The following MICU3 variants were observed in gnomAD, a reference collection of about 807,000 sequenced individuals.
MICU3 encodes calcium uptake protein 3, mitochondrial.
Under a neutral mutation model 66.5 loss-of-function variants are expected in MICU3, and 62 were observed. That is an observed-to-expected ratio of 0.93 (90% CI 0.76 to 1.15). The LOEUF is 1.15. MICU3 is among the 50% of genes most tolerant of loss of function. The pLI, the probability that MICU3 is intolerant of heterozygous loss-of-function variation, is 0.00. For synonymous variants in MICU3, 308 were observed against 240.7 expected (o/e 1.28, Z -2.59); for missense variants, 779 against 664.4 (o/e 1.17, Z -1.90).
the MICU3 span, chr8:17,132,522 C>T: frequency 6.6e-6 from 1 of 152,188 alleles, no homozygotes; most frequent in Admixed American, 6.5e-5. Context: ...ACATAGTCTT[C>T]CTTGCCCCTA....
chr8:17,092,025 A>G (rs575766335), intron 8 of MICU3, among the ~76,000 whole-genome samples: 11 of 151,984 alleles, frequency 7.2e-5, no homozygotes, highest in African/African-American at 2.2e-4. Context: ...TTACAGGCAC[A>G]TGCCACCATG....
chr8:17,038,969 A>T (rs541158842), intron 1 of MICU3, among the ~76,000 whole-genome samples: 1 of 146,514 alleles, frequency 6.8e-6, no homozygotes, highest in Admixed American at 6.6e-5. Flanking sequence ...AAAAAAAAAT[A>T]AATAAATAAT....
At chr8:17,054,865 A>C (rs1816670812) in intron 1 of MICU3, among the ~76,000 whole-genome samples, 1 of 150,970 alleles carries the variant, frequency 6.6e-6, no homozygotes, top group Non-Finnish European at 1.5e-5. Context: ...CAGCCTCCCA[A>C]GTAGCTGGGA....
intron 1 of MICU3, among the ~76,000 whole-genome samples, chr8:17,062,412 G>A (rs939047247): frequency 5.9e-5 from 9 of 152,088 alleles, no homozygotes; most frequent in African/African-American, 1.4e-4. Flanking sequence ...TTCTTATGCC[G>A]TTAGAAGTGG....
intron 3 of MICU3, among the ~76,000 whole-genome samples, chr8:17,073,499 C>T (rs992387417): frequency 6.6e-6 from 1 of 152,034 alleles, no homozygotes; most frequent in African/African-American, 2.4e-5. Context: ...TCAGGACTCC[C>T]ACTGATTGTA....
Position 17,090,580 on chromosome 8 carries a change from A to G in MICU3, c.884A>G (p.Asn295Ser), listed in dbSNP as rs1228288595. The change falls in exon 8 of 15, where the codon AAT (asparagine) becomes AGT (serine). Residue 295 changes from asparagine to serine, a missense_variant. Physicochemically the swap from Asn to Ser is conservative, Grantham distance 46. Coordinates refer to ENST00000318063, the MANE Select transcript of MICU3 (RefSeq NM_181723.3). ...CTTTATGGATACCATTCTCCTACTA[A>G]TAGTGTATGTACAATACTTTAAATG... ...LQLYGYHSPTNSVLKTDAEEL... is the reference protein window; with the variant it reads ...LQLYGYHSPTSSVLKTDAEEL... The G allele has an allele frequency of 1.9e-6, 3 of 1,608,628 alleles. No homozygotes were observed. Among genetic ancestry groups the G allele is most frequent in the Non-Finnish European group, 1.7e-6 (2 of 1,176,284 alleles).
chr8:17,098,698 CT>C, intron 9 of MICU3, 145 bp downstream of exon 9: 2 of 591,608 alleles, frequency 3.4e-6, no homozygotes, highest in Non-Finnish European at 6.0e-6. Flanking sequence ...TATATATAAA[CT>C]GTGTATTTGA....
intron 1 of MICU3, 101 bp from the exon 2 acceptor site, chr8:17,063,983 C>T: frequency 1.3e-6 from 1 of 741,140 alleles, no homozygotes; most frequent in Non-Finnish European, 2.0e-6. Context: ...TTCACACTTC[C>T]TCATTTACTC....
At chr8:17,126,118 A>T (rs990243446), downstream of MICU3, among the ~76,000 whole-genome samples, 1 of 150,238 alleles carries the variant, frequency 6.7e-6, no homozygotes, top group African/African-American at 2.4e-5. Flanking sequence ...ATCCAGGGGG[A>T]TGAGTTTCAG....
At chr8:17,115,378 C>G (rs1802588019) in intron 12 of MICU3, among the ~76,000 whole-genome samples, 1 of 152,196 alleles carries the variant, frequency 6.6e-6, no homozygotes, top group Non-Finnish European at 1.5e-5. Context: ...TTTGGCAACT[C>G]TGCCTCTACA....
intron 12 of MICU3, among the ~76,000 whole-genome samples, chr8:17,114,465 A>G (rs572122559): frequency 2.0e-5 from 3 of 152,212 alleles, no homozygotes; most frequent in African/African-American, 7.2e-5. Context: ...ACAGGGTGGT[A>G]TTTTATTTTA....
chr8:17,130,124 A>G, the MICU3 span, among the ~76,000 whole-genome samples: 9 of 152,226 alleles, frequency 5.9e-5, no homozygotes, highest in African/African-American at 2.2e-4. Context: ...TCTTTAGGCA[A>G]TTGGGGAATG....
At chr8:17,130,986 A>G in the MICU3 span, among the ~76,000 whole-genome samples, 48 of 152,240 alleles carry the variant, frequency 3.2e-4, no homozygotes, top group African/African-American at 5.8e-4. Flanking sequence ...GATAGAGAAA[A>G]AAGATCCTAT....
Position 17,027,653 on chromosome 8 carries a change from A to T in MICU3, c.374A>T (p.Lys125Met). 1 of 1,301,264 alleles carries T rather than the reference A, an allele frequency of 7.7e-7. No homozygotes were observed. The highest frequency in any genetic ancestry group is 9.7e-7 in the Non-Finnish European group (1 of 1,028,162). The allele number at this position is 1,301,264 out of a possible 1,614,324, so 80.6% of individuals were successfully genotyped here. The change falls in exon 1 of 15, where the codon AAG becomes ATG. Residue 125 changes from lysine to methionine, a missense_variant. Lys to Met is a moderately conservative substitution (Grantham distance 95). Coordinates refer to ENST00000318063, the MANE Select transcript of MICU3 (RefSeq NM_181723.3). Reference protein sequence around the residue: ...GMLPIPVAAAKETVAIGRTDI... With the variant: ...GMLPIPVAAAMETVAIGRTDI... ...CTGCCCATCCCAGTGGCGGCTGCCAAGGAGACGGTGAGTGCGCGAGCGCGC... is the reference window on the plus strand; with the variant it reads ...CTGCCCATCCCAGTGGCGGCTGCCATGGAGACGGTGAGTGCGCGAGCGCGC...
At chr8:17,059,261 A>G (rs1817464460) in intron 1 of MICU3, among the ~76,000 whole-genome samples, 1 of 152,206 alleles carries the variant, frequency 6.6e-6, no homozygotes, top group Admixed American at 6.5e-5. Flanking sequence ...TCTGATGAAA[A>G]CGTGAAGAAA....
intron 1 of MICU3, among the ~76,000 whole-genome samples, chr8:17,048,824 G>C (rs1275347680): frequency 6.6e-6 from 1 of 152,078 alleles, no homozygotes; most frequent in East Asian, 1.9e-4. Flanking sequence ...CCACTGTGTT[G>C]CCCAGGCTGG....
chr8:17,066,496 C>CT (rs1262782955), intron 2 of MICU3, among the ~76,000 whole-genome samples: 1 of 128,272 alleles, frequency 7.8e-6, no homozygotes, highest in Non-Finnish European at 1.6e-5. Flanking sequence ...GAAAGCTATT[C>CT]TTTAAGTGAT....
chr8:17,114,841 C>T lies in MICU3; in HGVS notation c.1366+640C>T, dbSNP rs144394065. ...CACAAGCTTAAACCCCAGAGGAGGC[C>T]GGGCGCGGTGGCTCACGCCTGTAAT... is the stretch of plus-strand genomic sequence containing the variant. On this transcript the variant is annotated intron_variant, in intron 12 of 14. Coordinates refer to ENST00000318063, the MANE Select transcript of MICU3 (RefSeq NM_181723.3). Among the ~76,000 whole-genome samples the T allele has an allele frequency of 6.4e-3, 977 of 152,092 alleles. 54 individuals carry two copies. Among genetic ancestry groups the T allele is most frequent in the Admixed American group, 0.061 (934 of 15,278 alleles).
At position 17,112,516 on chromosome 8, in the gene MICU3, C is replaced by T. The variant is rs907268503; in HGVS notation, c.1258-1577C>T. ...TAATTATCTCCATCAAAATACATGG[C>T]CCATTTGTTATTTTATAATTTTATA... is the stretch of plus-strand genomic sequence containing the variant. On this transcript the variant is annotated intron_variant, in intron 11 of 14. Coordinates refer to ENST00000318063, the MANE Select transcript of MICU3 (RefSeq NM_181723.3). 2.6e-5 allele frequency among the ~76,000 whole-genome samples: 4 copies of T among 152,142 alleles called. No individual in the cohort carries two copies. The East Asian group carries it at 7.7e-4, about 29-fold the overall frequency.
Sources: gnomAD v4.1 joint callset for allele counts (sites outside exome capture counted in the v4.1 genomes callset) on GRCh38, gnomAD v4.1.1 for gene constraint, MANE v1.5 for transcripts, NCBI Gene and HGNC (gene_info 2026-07-23, HGNC 2026-07-21) for gene names.